Variants in COPG1 observed in about 807,000 individuals in gnomAD.
The protein encoded by COPG1 is coat protein complex I subunit gamma 1, also known as coatomer subunit gamma-1.
A neutral mutation model predicts 102.8 loss-of-function variants in COPG1; 29 were observed. That is an observed-to-expected ratio of 0.28 (90% confidence interval 0.21 to 0.38). The LOEUF (loss-of-function observed/expected upper bound fraction) is 0.38, where lower values mean the gene tolerates loss of function less well. COPG1 is among the 10% of genes least tolerant of loss of function. The pLI, the probability that COPG1 is intolerant of heterozygous loss-of-function variation, is 1.00. For synonymous variants in COPG1, 406 were observed against 421.6 expected (o/e 0.96, Z 0.45); for missense variants, 875 against 1,132.7 (o/e 0.77, Z 3.27).
At chr3:129,254,557 G>T (rs1002503014) in intron 5 of COPG1, 111 bp from the exon 6 acceptor site, 7 of 692,734 alleles carry the variant, frequency 1.0e-5, no homozygotes, top group Non-Finnish European at 1.8e-5. Context: ...TAGAGGGAGA[G>T]CACTGGTTAG....
At chr3:129,263,420 A>T (rs1445740215) in intron 12 of COPG1, among the ~76,000 whole-genome samples, 2 of 152,118 alleles carry the variant, frequency 1.3e-5, no homozygotes, top group African/African-American at 4.8e-5. Flanking sequence ...CAGACAGGAG[A>T]TAAATATTGG....
At chr3:129,254,001 A>C (rs1210667647) in intron 5 of COPG1, among the ~76,000 whole-genome samples, 1 of 112,402 alleles carries the variant, frequency 8.9e-6, no homozygotes, top group South Asian at 2.6e-4. Context: ...ACTGCGTCTC[A>C]AAAAAAAAAA....
intron 21 of COPG1, 32 bp downstream of exon 21, chr3:129,272,936 G>T: frequency 7.4e-7 from 1 of 1,350,800 alleles, no homozygotes; most frequent in South Asian, 1.2e-5. Flanking sequence ...GCTCAGTTTT[G>T]TGCTGAGGCT....
At position 129,263,888 on chromosome 3, in the gene COPG1, C is replaced by T. The variant is rs774057701; in HGVS notation, c.1129-16C>T. On this transcript the variant is annotated splice_polypyrimidine_tract_variant and intron_variant, in intron 12 of 23. Coordinates refer to ENST00000314797, the MANE Select transcript of COPG1 (RefSeq NM_016128.4). ...GGTGGCAGGGCCTGCTGCTCATGCA[C>T]GTCTATTTCATTTAGGTGGTGGTTG... The T allele has an allele frequency of 8.1e-6, 13 of 1,610,402 alleles. No homozygotes were observed. The highest frequency in any genetic ancestry group is 4.0e-5 in the African/African-American group (3 of 74,860).
Position 129,275,426 on chromosome 3 carries a change from A to C in COPG1, c.2494+134A>C. On this transcript the variant is annotated intron_variant, in intron 23 of 23. Transcript: ENST00000314797. This position sits in a 1 kb window ranked among gnomAD's most constrained non-coding sequence, Gnocchi z 5.0. ...ATTTAAAATTCACAAAGTATAAAAT[A>C]ATCTGCAGCGAAATGTTTCCTCCCT... 1 of 648,808 alleles carries C rather than the reference A, an allele frequency of 1.5e-6. No homozygotes were observed. Among genetic ancestry groups the C allele is most frequent in the African/African-American group, 1.8e-5 (1 of 55,318 alleles). The allele number at this position is 648,808 out of a possible 1,614,324, so 40.2% of individuals were successfully genotyped here.
rs1940196235 is a variant in COPG1 at position 129,272,229 on chromosome 3, CTCTT to C, written c.1987-12_1987-9del. On this transcript the variant is annotated splice_polypyrimidine_tract_variant and intron_variant, in intron 19 of 23. Coordinates refer to ENST00000314797, the MANE Select transcript of COPG1 (RefSeq NM_016128.4). Reference sequence around the variant, plus strand: ...CCTAGTGCAATGTTTAAGCTCCCCTCTCTTTCCTGTTCAGTTTGACTGCACAAAC... The same window carrying C: ...CCTAGTGCAATGTTTAAGCTCCCCTCTCCTGTTCAGTTTGACTGCACAAAC... 6.2e-7 allele frequency: 1 copy of C among 1,612,502 alleles called. No homozygotes were observed.
At chr3:129,272,131 T>C in intron 19 of COPG1, 113 bp from the exon 20 acceptor site, 1 of 1,116,618 alleles carries the variant, frequency 9.0e-7, no homozygotes, top group Non-Finnish European at 1.3e-6. Context: ...GCAGGGGGAC[T>C]GGGATGGGAA....
At chr3:129,277,184 C>A in intron 23 of COPG1, 110 bp from the exon 24 acceptor site, 2 of 1,117,668 alleles carry the variant, frequency 1.8e-6, no homozygotes, top group Non-Finnish European at 2.7e-6. Flanking sequence ...CTCTCCTGCC[C>A]GTTTCACTAC....
At position 129,265,629 on chromosome 3, in the gene COPG1, G is replaced by A; in HGVS notation, c.1305G>A (p.Gly435=). 1.2e-6 allele frequency: 2 copies of A among 1,614,194 alleles called. No homozygotes were observed. ...AGAACTCAGAGAGCAAGGAGACAGG[G>A]CTGTCACATCTGTGCGAGTTCATCG... ...IEENSESKET[G]LSHLCEFIED... The change falls in exon 14 of 24, where the codon GGG becomes GGA. Residue 435 remains glycine, a synonymous_variant. Coordinates refer to ENST00000314797, the MANE Select transcript of COPG1 (RefSeq NM_016128.4).
At position 129,252,282 on chromosome 3, in the gene COPG1, C is replaced by T. The variant is rs781314015; in HGVS notation, c.92C>T (p.Ala31Val). Residue 31 changes from alanine to valine, a missense_variant and splice_region_variant, in exon 3 of 24, where the codon GCC becomes GTC. Physicochemically the swap from Ala to Val is moderately conservative, Grantham distance 64 (BLOSUM62 0). Coordinates refer to ENST00000314797, the MANE Select transcript of COPG1 (RefSeq NM_016128.4). ...ACATCTTTGGTCATTTCTTCTTAGG[C>T]CCGTGTATTTAATGAAACTCCCATC... is the stretch of plus-strand genomic sequence containing the variant. Reference protein sequence around the residue: ...HLEKSAVLQEARVFNETPINP... With the variant: ...HLEKSAVLQEVRVFNETPINP... 6.2e-7 allele frequency: 1 copy of T among 1,601,700 alleles called. No individual in the cohort carries two copies. Among genetic ancestry groups the T allele is most frequent in the Non-Finnish European group, 8.6e-7 (1 of 1,168,962 alleles).
At chr3:129,269,084 T>C in intron 18 of COPG1, 84 bp downstream of exon 18, 1 of 1,227,194 alleles carries the variant, frequency 8.1e-7, no homozygotes, top group East Asian at 2.3e-5. Flanking sequence ...CATATATTGG[T>C]CTCTCCTGAG....
rs779809650 is a variant in COPG1, at chr3:129,257,590, C to T, written c.700C>T (p.Arg234Trp). ...KSPFAYCMMI[R>W]VASKQLEEED... The stretch of plus-strand genomic sequence containing the variant: ...TCCCTTTGCCTACTGCATGATGATC[C>T]GGGTGGCCAGCAAGCAGCTGGAAGA... The change falls in exon 9 of 24, where the codon CGG becomes TGG. Residue 234 changes from arginine to tryptophan, a missense_variant. Transcript: ENST00000314797. 1.1e-5 allele frequency: 18 copies of T among 1,614,080 alleles called. No individual in the cohort carries two copies. The highest frequency in any genetic ancestry group is 6.7e-5 in the African/African-American group (5 of 74,924).
chr3:129,262,736 T>C (rs115120693), intron 12 of COPG1, among the ~76,000 whole-genome samples: 2,503 of 139,808 alleles, frequency 0.018, 76 homozygotes, highest in African/African-American at 0.07. Flanking sequence ...AAAAAAAAAA[T>C]TGGCTGGGCG....
chr3:129,265,627 G>T lies in COPG1; in HGVS notation c.1303G>T (p.Gly435Trp). The stretch of plus-strand genomic sequence containing the variant: ...AGAGAACTCAGAGAGCAAGGAGACA[G>T]GGCTGTCACATCTGTGCGAGTTCAT... ...IEENSESKETGLSHLCEFIED... is the reference protein window; with the variant it reads ...IEENSESKETWLSHLCEFIED... The change falls in exon 14 of 24, where the codon GGG (glycine) becomes TGG (tryptophan). Residue 435 changes from glycine to tryptophan, a missense_variant. Gly to Trp is a radical substitution (Grantham distance 184). Transcript: ENST00000314797. 1 of 1,614,218 alleles carries T rather than the reference G, an allele frequency of 6.2e-7. No individual in the cohort carries two copies. The highest frequency in any genetic ancestry group is 1.1e-5 in the South Asian group (1 of 91,086).
chr3:129,270,660 G>A (rs1359201296), intron 18 of COPG1, among the ~76,000 whole-genome samples: 8 of 152,104 alleles, frequency 5.3e-5, no homozygotes, highest in Non-Finnish European at 1.2e-4. Flanking sequence ...GGGCTGAAGT[G>A]GTCACATAGG....
At chr3:129,268,242 G>A (rs1940107402) in intron 16 of COPG1, among the ~76,000 whole-genome samples, 1 of 152,102 alleles carries the variant, frequency 6.6e-6, no homozygotes. Context: ...GAATTGAAAC[G>A]CTCATCATTA....
intron 6 of COPG1, 41 bp downstream of exon 6, chr3:129,254,784 T>C: frequency 6.5e-7 from 1 of 1,539,598 alleles, no homozygotes; most frequent in Non-Finnish European, 9.0e-7. Flanking sequence ...GGCCTCTTGA[T>C]TGAGGCCTCG....
chr3:129,255,044 C>T lies in COPG1; in HGVS notation c.459C>T (p.Pro153=). The change falls in exon 7 of 24, where the codon CCC becomes CCT. Residue 153 remains proline (P), a synonymous_variant. Coordinates refer to ENST00000314797, the MANE Select transcript of COPG1 (RefSeq NM_016128.4). ...AACAAGCCATTGTGGACAAGGTGCC[C>T]AGTGTCTCCAGCTCTGCCCTCGTGT... ...YMKQAIVDKV[P]SVSSSALVSS... 1 of 1,614,114 alleles carries T rather than the reference C, an allele frequency of 6.2e-7. No individual in the cohort carries two copies. The highest frequency in any genetic ancestry group is 8.5e-7 in the Non-Finnish European group (1 of 1,179,954).
chr3:129,252,759 A>G, intron 4 of COPG1, 65 bp downstream of exon 4: 1 of 1,551,078 alleles, frequency 6.4e-7, no homozygotes, highest in Non-Finnish European at 8.9e-7. Context: ...GGAGGGCCAA[A>G]GAGAGCTGGC....
Sources: allele counts gnomAD v4.1 joint callset (sites outside exome capture counted in the v4.1 genomes callset), GRCh38; gene constraint gnomAD v4.1.1; non-coding constraint Gnocchi (gnomAD v3.1); transcripts MANE v1.5; gene names NCBI Gene and HGNC (gene_info 2026-07-23, HGNC 2026-07-21).